PCDHA1: variants seen among roughly 807,000 people sequenced by gnomAD.
PCDHA1 encodes the protein protocadherin alpha-1.
In PCDHA1, 42 loss-of-function variants were observed where a neutral mutation model predicts 61.3. The ratio of observed to expected loss-of-function variants is 0.69; its 90% CI spans 0.54 to 0.89. The LOEUF is 0.89. PCDHA1 is among the 40% of genes least tolerant of loss of function. PCDHA1 has a pLI of 0.00. For synonymous variants in PCDHA1, 610 were observed against 553.8 expected (o/e 1.10, Z -1.43); for missense variants, 1,256 against 1,235.3 (o/e 1.02, Z -0.25).
intron 1 of PCDHA1, among the ~76,000 whole-genome samples, chr5:140,932,575 G>A (rs1554208974): frequency 6.6e-6 from 1 of 151,674 alleles, no homozygotes; most frequent in South Asian, 2.1e-4. Context: ...TTTCCCATAG[G>A]GTAATTAGAT....
At chr5:140,911,663 T>G (rs2075591717) in intron 1 of PCDHA1, among the ~76,000 whole-genome samples, 1 of 152,206 alleles carries the variant, frequency 6.6e-6, no homozygotes, top group Non-Finnish European at 1.5e-5. Context: ...CTAAACTCCT[T>G]GCCTCTCACG....
Position 140,809,367 on chromosome 5 carries a change from C to T in PCDHA1, c.2394+20683C>T, listed in dbSNP as rs543555386. 6.2e-6 allele frequency: 10 copies of T among 1,613,970 alleles called. No individual in the cohort carries two copies. In the South Asian group the frequency reaches 1.1e-4, roughly 18 times the overall value. On this transcript the variant is annotated intron_variant, in intron 1 of 3. Transcript: ENST00000504120. The stretch of plus-strand genomic sequence containing the variant: ...ACCGCGCTGCGGTGCTCTGCGCTGC[C>T]CACCGAGGGCGCGTGCGCTCCGGGC...
At chr5:140,797,468 G>A (rs997391045) in intron 1 of PCDHA1, 6 of 1,229,296 alleles carry the variant, frequency 4.9e-6, no homozygotes, top group African/African-American at 1.5e-5. Flanking sequence ...TCATCCTACC[G>A]TGCGATTTTG....
chr5:140,835,608 C>A (rs1554135105), intron 1 of PCDHA1: 3 of 1,613,898 alleles, frequency 1.9e-6, no homozygotes, highest in South Asian at 2.2e-5. Flanking sequence ...TTCATTGGTG[C>A]TGGACAGCGC....
At chr5:141,005,321 A>C (rs1455149994) in intron 3 of PCDHA1, among the ~76,000 whole-genome samples, 1 of 152,182 alleles carries the variant, frequency 6.6e-6, no homozygotes, top group Admixed American at 6.5e-5. Context: ...AGTGGTAGAG[A>C]ATAATAGGCC....
intron 1 of PCDHA1, among the ~76,000 whole-genome samples, chr5:140,914,914 G>A (rs2076876381): frequency 7.0e-6 from 1 of 143,682 alleles, no homozygotes; most frequent in African/African-American, 2.6e-5. Context: ...GTTTCTCTGT[G>A]TCTTATTGTA....
At position 140,786,567 on chromosome 5, in the gene PCDHA1, G is replaced by A; in HGVS notation, c.277G>A (p.Glu93Lys). Residue 93 changes from glutamate to lysine, a missense_variant, in exon 1 of 4, where the codon GAG becomes AAG. By Grantham distance (56) the Glu-to-Lys change is moderately conservative. Coordinates refer to ENST00000504120, the MANE Select transcript of PCDHA1 (RefSeq NM_018900.4). Reference sequence around the variant, plus strand: ...GTTTGTGAATTCTCGGATCGATCGCGAGGAGCTGTGCCAGTGGAGCGCGGA... The same window carrying A: ...GTTTGTGAATTCTCGGATCGATCGCAAGGAGCTGTGCCAGTGGAGCGCGGA... ...ILFVNSRIDR[E>K]ELCQWSAECS... 1 of 1,614,242 alleles carries A rather than the reference G, an allele frequency of 6.2e-7. No homozygotes were observed. The highest frequency in any genetic ancestry group is 8.5e-7 in the Non-Finnish European group (1 of 1,180,042).
At chr5:140,870,193 C>T in intron 1 of PCDHA1, 2 of 1,614,156 alleles carry the variant, frequency 1.2e-6, no homozygotes, top group Non-Finnish European at 8.5e-7. Flanking sequence ...GGACGCTCAG[C>T]CCAGCACGGT....
Position 140,848,772 on chromosome 5 carries a change from G to C in PCDHA1, c.2394+60088G>C, listed in dbSNP as rs2150420106. 4 of 1,593,480 alleles carry C rather than the reference G, an allele frequency of 2.5e-6. No individual in the cohort carries two copies. In the African/African-American group the frequency reaches 5.4e-5, roughly 21 times the overall value. ...GTTTGTGAATTCTCGGATCGACCGC[G>C]AGGAGCTGTGCGGGCGGAGCGCGGA... On this transcript the variant is annotated intron_variant, in intron 1 of 3. Coordinates refer to ENST00000504120, the MANE Select transcript of PCDHA1 (RefSeq NM_018900.4).
chr5:140,917,332 G>GA, intron 1 of PCDHA1, among the ~76,000 whole-genome samples: 1 of 145,644 alleles, frequency 6.9e-6, no homozygotes, highest in Non-Finnish European at 1.5e-5. Context: ...GGCGGGGGAG[G>GA]GGGGGGATGG....
At chr5:140,968,661 T>C (rs1554230945) in intron 1 of PCDHA1, 1 of 1,614,182 alleles carries the variant, frequency 6.2e-7, no homozygotes, top group East Asian at 2.2e-5. Flanking sequence ...GACCTGGACC[T>C]CTTTAAGGTA....
intron 1 of PCDHA1, chr5:140,842,155 A>G (rs1554138828): frequency 1.2e-6 from 2 of 1,613,884 alleles, no homozygotes; most frequent in East Asian, 2.2e-5. Context: ...GGGCAATTTC[A>G]TATTCTTTTA....
chr5:140,868,478 A>AT (rs1444050987), intron 1 of PCDHA1: 1 of 152,364 alleles, frequency 6.6e-6, no homozygotes, highest in Admixed American at 6.5e-5. Context: ...TAAAACTTCA[A>AT]TTTTTTCTTT....
chr5:140,896,386 C>T (rs575002506), intron 1 of PCDHA1, among the ~76,000 whole-genome samples: 1 of 152,124 alleles, frequency 6.6e-6, no homozygotes, highest in African/African-American at 2.4e-5. Context: ...TGCAACCTCA[C>T]CAGCATCTGT....
At chr5:140,876,583 CT>C in intron 1 of PCDHA1, 1 of 1,614,194 alleles carries the variant, frequency 6.2e-7, no homozygotes, top group Non-Finnish European at 8.5e-7. Context: ...CGTCATTGCC[CT>C]GATTAGCGTG....
chr5:140,850,829 T>C (rs1431549655), intron 1 of PCDHA1: 6 of 1,597,986 alleles, frequency 3.8e-6, no homozygotes, highest in Non-Finnish European at 4.3e-6. Context: ...GCCTTTCTCC[T>C]TGTGCTGGAT....
intron 1 of PCDHA1, chr5:140,817,577 T>G (rs1766160739): frequency 1.3e-5 from 2 of 152,348 alleles, no homozygotes; most frequent in South Asian, 2.1e-4. Context: ...ATTAAATCAA[T>G]AATTTTAATA....
At chr5:140,795,437 C>A (rs1347907784) in intron 1 of PCDHA1, 1 of 1,614,198 alleles carries the variant, frequency 6.2e-7, no homozygotes, top group African/African-American at 1.3e-5. Flanking sequence ...GAGGGAGCAT[C>A]TGATGCAGAT....
At chr5:140,803,011 C>G (rs982936754) in intron 1 of PCDHA1, 2 of 1,614,028 alleles carry the variant, frequency 1.2e-6, no homozygotes, top group Non-Finnish European at 1.7e-6. Flanking sequence ...GGCTACAACG[C>G]GTGGCTTTCG....
Sources: gnomAD v4.1 joint callset for allele counts (sites outside exome capture counted in the v4.1 genomes callset) on GRCh38, gnomAD v4.1.1 for gene constraint, MANE v1.5 for transcripts, NCBI Gene and HGNC (gene_info 2026-07-23, HGNC 2026-07-21) for gene names.